REEP2: variants seen among roughly 807,000 people sequenced by gnomAD.
The protein encoded by REEP2 is receptor expression-enhancing protein 2.
Under a neutral mutation model 32.1 loss-of-function variants are expected in REEP2, and 9 were observed. The observed-to-expected ratio is 0.28, with a 90% CI of 0.17 to 0.49. REEP2 has a LOEUF of 0.49. REEP2 is among the 20% of genes least tolerant of loss of function. The pLI, the probability that REEP2 is intolerant of heterozygous loss-of-function variation, is 0.99. For missense variants in REEP2, 236 were observed against 338.0 expected (o/e 0.70, Z 2.37); for synonymous variants, 128 against 139.1 (o/e 0.92, Z 0.56).
chr5:138,439,125 T>TGCC lies in REEP2; in HGVS notation c.-69_-67dup, dbSNP rs1003310174. 121 of 859,668 alleles carry TGCC rather than the reference T, an allele frequency of 1.4e-4. No homozygotes were observed. Among genetic ancestry groups the TGCC allele is most frequent in the East Asian group, 1.4e-3 (32 of 23,286 alleles). 53.3% of individuals were successfully genotyped at this position (859,668 alleles called of 1,614,324 possible). A position where few individuals can be genotyped will look rare whatever the true frequency, so the allele number is the denominator to read the frequency against. Reference sequence around the variant, plus strand: ...CTGCTGCTGCTACTGCGGCTCCTGCTGCCGCCGCCGCCGCCGCTCGGCCTC... The same window carrying TGCC: ...CTGCTGCTGCTACTGCGGCTCCTGCTGCCGCCGCCGCCGCCGCCGCTCGGCCTC... On this transcript the variant is annotated 5_prime_UTR_variant, in exon 1 of 8. Transcript: ENST00000378339.
chr5:138,443,100 G>A (rs1352504611), intron 3 of REEP2, among the ~76,000 whole-genome samples: 1 of 152,180 alleles, frequency 6.6e-6, no homozygotes, highest in Non-Finnish European at 1.5e-5. Context: ...GGAAGCCAAG[G>A]CAGGAGGATC....
rs150568316 is a variant in REEP2, at chr5:138,444,774, G to T, written c.324G>T (p.Thr108=). The T allele has an allele frequency of 2.5e-6, 4 of 1,613,948 alleles. 1 individual carries two copies. Among genetic ancestry groups the T allele is most frequent in the South Asian group, 2.2e-5 (2 of 91,068 alleles). ...NKEKEIDEYI[T]QARDKSYETM... Reference sequence around the variant, plus strand: ...CATAGGAGATCGACGAGTACATCACGCAGGCCCGAGACAAGAGCTATGAGA... The same window carrying T: ...CATAGGAGATCGACGAGTACATCACTCAGGCCCGAGACAAGAGCTATGAGA... The change falls in exon 5 of 8, where the codon ACG becomes ACT. Residue 108 remains threonine, a synonymous_variant. Coordinates refer to ENST00000378339, the MANE Select transcript of REEP2 (RefSeq NM_001271803.2).
Position 138,441,568 on chromosome 5 carries a change from C to A in REEP2, c.182+107C>A. The A allele has an allele frequency of 1.1e-6, 1 of 949,520 alleles. No homozygotes were observed. The highest frequency in any genetic ancestry group is 1.7e-6 in the Non-Finnish European group (1 of 594,872). The allele number at this position is 949,520 out of a possible 1,614,324, so 58.8% of individuals were successfully genotyped here. A position where few individuals can be genotyped will look rare whatever the true frequency, so the allele number is the denominator to read the frequency against. On this transcript the variant is annotated intron_variant, in intron 3 of 7. Coordinates refer to ENST00000378339, the MANE Select transcript of REEP2 (RefSeq NM_001271803.2). This position sits in a 1 kb window ranked among gnomAD's most constrained non-coding sequence, Gnocchi z 4.4. ...GCCTGGGGGTGAAGCTCCTCCCATT[C>A]CTGACAATTTCATGGGGTCCTTGAT...
intron 1 of REEP2, chr5:138,439,825 A>G: frequency 2.2e-6 from 1 of 452,276 alleles, no homozygotes; most frequent in South Asian, 1.6e-5. Flanking sequence ...AAAGTGTGAG[A>G]GGTAACTGGG....
rs573885764 is a variant in REEP2 at position 138,441,798 on chromosome 5, G to A, written c.182+337G>A. Among the ~76,000 whole-genome samples, 68 of 152,048 alleles carry A rather than the reference G, an allele frequency of 4.5e-4. No homozygotes were observed. The highest frequency in any genetic ancestry group is 1.5e-3 in the African/African-American group (63 of 41,484). ...AAAAAAAATAGCTGGGCATGGTGGC[G>A]CCCCTGTAATCCCAGCTACTAGGGA... On this transcript the variant is annotated intron_variant, in intron 3 of 7. Coordinates refer to ENST00000378339, the MANE Select transcript of REEP2 (RefSeq NM_001271803.2). The surrounding 1 kb of genome is among the most constrained non-coding windows in gnomAD (Gnocchi z 4.4).
chr5:138,440,561 G>A (rs1763804579), intron 1 of REEP2, among the ~76,000 whole-genome samples: 1 of 152,140 alleles, frequency 6.6e-6, no homozygotes, highest in Admixed American at 6.5e-5. Flanking sequence ...TGGTACCTCT[G>A]CCTGCCAGGT....
At chr5:138,439,301 C>T in intron 1 of REEP2, 61 bp downstream of exon 1, 1 of 1,387,890 alleles carries the variant, frequency 7.2e-7, no homozygotes, top group Non-Finnish European at 9.4e-7. Context: ...GTGTTAAAGC[C>T]CGGGTGGACT....
At chr5:138,444,291 A>G in intron 3 of REEP2, 124 bp from the exon 4 acceptor site, 1 of 1,193,860 alleles carries the variant, frequency 8.4e-7, no homozygotes, top group East Asian at 2.4e-5. Context: ...CATGAGCCCC[A>G]TGGGGACCCC....
At chr5:138,440,177 T>C (rs1448828959) in intron 1 of REEP2, among the ~76,000 whole-genome samples, 3 of 152,168 alleles carry the variant, frequency 2.0e-5, no homozygotes, top group East Asian at 1.9e-4. Flanking sequence ...GCCTCCACCG[T>C]TGGGGACTGA....
chr5:138,443,526 G>A (rs921961576), intron 3 of REEP2: 2 of 151,574 alleles, frequency 1.3e-5, no homozygotes, highest in Non-Finnish European at 2.9e-5. Flanking sequence ...AAAACTGAGG[G>A]TAGTAAATAT....
Position 138,445,720 on chromosome 5 carries a change from A to G in REEP2, c.734A>G (p.Lys245Arg), listed in dbSNP as rs764875544. The G allele has an allele frequency of 6.2e-7, 1 of 1,614,128 alleles. No individual in the cohort carries two copies. The highest frequency in any genetic ancestry group is 1.1e-5 in the South Asian group (1 of 91,078). Residue 245 changes from lysine to arginine, a missense_variant, in exon 8 of 8, where the codon AAG becomes AGG. Coordinates refer to ENST00000378339, the MANE Select transcript of REEP2 (RefSeq NM_001271803.2). ...ASKTLKTRPK[K>R]KTSGGGDSA ...AAGACACTGAAGACCCGGCCCAAGA[A>G]GAAGACCTCTGGCGGGGGCGACTCA...
At chr5:138,442,247 G>C (rs1256991335) in intron 3 of REEP2, among the ~76,000 whole-genome samples, 2 of 152,194 alleles carry the variant, frequency 1.3e-5, no homozygotes, top group Non-Finnish European at 2.9e-5. Flanking sequence ...AATGTTTACT[G>C]AATGATCAGA....
Position 138,441,207 on chromosome 5 carries a change from C to A in REEP2, c.105+119C>A. The A allele has an allele frequency of 7.0e-7, 1 of 1,432,164 alleles. No individual in the cohort carries two copies. Among genetic ancestry groups the A allele is most frequent in the Non-Finnish European group, 9.7e-7 (1 of 1,031,904 alleles). 88.7% of individuals were successfully genotyped at this position (1,432,164 alleles called of 1,614,324 possible). A position where few individuals can be genotyped will look rare whatever the true frequency, so the allele number is the denominator to read the frequency against. On this transcript the variant is annotated intron_variant, in intron 2 of 7. Coordinates refer to ENST00000378339, the MANE Select transcript of REEP2 (RefSeq NM_001271803.2). The surrounding 1 kb of genome is among the most constrained non-coding windows in gnomAD (Gnocchi z 4.4). ...AACACTGTCAGCCACTAACAAGACC[C>A]ACCAGCAAAGGAGGGCCCTGGGTGT...
rs746303219 is a variant in REEP2 at position 138,441,352 on chromosome 5, G to A, written c.106-33G>A. Reference sequence around the variant, plus strand: ...TGGGTGTCCCTGGCCCCTCAGCCCCGTGCCCCAGCCAGCGCTTCCCTCTGT... The same window carrying A: ...TGGGTGTCCCTGGCCCCTCAGCCCCATGCCCCAGCCAGCGCTTCCCTCTGT... On this transcript the variant is annotated intron_variant, in intron 2 of 7. Transcript: ENST00000378339. The surrounding 1 kb of genome is among the most constrained non-coding windows in gnomAD (Gnocchi z 4.4). 1.6e-5 allele frequency: 25 copies of A among 1,601,142 alleles called. No homozygotes were observed. Among genetic ancestry groups the A allele is most frequent in the African/African-American group, 1.5e-4 (11 of 74,752 alleles).
chr5:138,444,707 G>T lies in REEP2; in HGVS notation c.304-47G>T, dbSNP rs1320281215. 3.1e-6 allele frequency: 5 copies of T among 1,592,338 alleles called. No homozygotes were observed. The South Asian group carries it at 3.3e-5, about 11-fold the overall frequency. ...GGGCCTCTGTCCAGGGGTGAACAAGGGTAGGGCAGGACCTCTCCTCTTCTC... is the reference window on the plus strand; with the variant it reads ...GGGCCTCTGTCCAGGGGTGAACAAGTGTAGGGCAGGACCTCTCCTCTTCTC... On this transcript the variant is annotated intron_variant, in intron 4 of 7. Transcript: ENST00000378339.
chr5:138,444,675 C>T, intron 4 of REEP2, 79 bp from the exon 5 acceptor site: 1 of 1,561,282 alleles, frequency 6.4e-7, no homozygotes. Context: ...CCTCCCGGAG[C>T]AGGCAGGGGC....
Position 138,440,903 on chromosome 5 carries a change from A to G in REEP2, c.33-113A>G, listed in dbSNP as rs1010744829. 5 of 1,571,436 alleles carry G rather than the reference A, an allele frequency of 3.2e-6. No homozygotes were observed. The African/African-American group carries it at 5.4e-5, about 17-fold the overall frequency. On this transcript the variant is annotated intron_variant, in intron 1 of 7. Coordinates refer to ENST00000378339, the MANE Select transcript of REEP2 (RefSeq NM_001271803.2). Reference sequence around the variant, plus strand: ...ACCCCTGACCTGAGTTCATCAGTCCAGCGGGGAGTTCTGTCTCTCTTCCCA... The same window carrying G: ...ACCCCTGACCTGAGTTCATCAGTCCGGCGGGGAGTTCTGTCTCTCTTCCCA...
Position 138,444,765 on chromosome 5 carries a change from G to C in REEP2, c.315G>C (p.Glu105Asp). The C allele has an allele frequency of 6.2e-7, 1 of 1,614,010 alleles. No homozygotes were observed. The highest frequency in any genetic ancestry group is 8.5e-7 in the Non-Finnish European group (1 of 1,179,894). The change falls in exon 5 of 8, where the codon GAG becomes GAC. Residue 105 changes from glutamate (E) to aspartate (D), a missense_variant. Physicochemically the swap from Glu to Asp is conservative, Grantham distance 45. Coordinates refer to ENST00000378339, the MANE Select transcript of REEP2 (RefSeq NM_001271803.2). ...CTCCAATCCCATAGGAGATCGACGA[G>C]TACATCACGCAGGCCCGAGACAAGA... is the stretch of plus-strand genomic sequence containing the variant. ...TLSNKEKEIDEYITQARDKSY... is the reference protein window; with the variant it reads ...TLSNKEKEIDDYITQARDKSY...
Position 138,439,183 on chromosome 5 carries a change from C to G in REEP2, c.-26C>G. The G allele has an allele frequency of 7.4e-7, 1 of 1,356,528 alleles. No homozygotes were observed. The highest frequency in any genetic ancestry group is 9.5e-7 in the Non-Finnish European group (1 of 1,056,776). 84.0% of individuals were successfully genotyped at this position (1,356,528 alleles called of 1,614,324 possible). A position where few individuals can be genotyped will look rare whatever the true frequency, so the allele number is the denominator to read the frequency against. On this transcript the variant is annotated 5_prime_UTR_variant, in exon 1 of 8. Coordinates refer to ENST00000378339, the MANE Select transcript of REEP2 (RefSeq NM_001271803.2). ...TGCATCCTCGGCCGGGCCGGGTCCC[C>G]GCCCCGCGCCGCGCCCGGCCCCGCC...
Sources: gnomAD v4.1 joint callset for allele counts (sites outside exome capture counted in the v4.1 genomes callset) on GRCh38, gnomAD v4.1.1 for gene constraint, Gnocchi (gnomAD v3.1) non-coding constraint, MANE v1.5 for transcripts, NCBI Gene and HGNC (gene_info 2026-07-23, HGNC 2026-07-21) for gene names.